SLC7A1: variants seen among roughly 807,000 people sequenced by gnomAD.
SLC7A1 encodes solute carrier family 7 member 1, also known as high affinity cationic amino acid transporter 1.
In SLC7A1, 10 loss-of-function variants were observed where a neutral mutation model predicts 53.9. That is an observed-to-expected ratio of 0.19 (90% CI 0.11 to 0.31). SLC7A1 has a LOEUF of 0.31. Ranked by LOEUF, SLC7A1 falls within the 10% of genes least tolerant of loss-of-function variation. The pLI is 1.00. For synonymous variants in SLC7A1, 342 were observed against 338.7 expected, an observed-to-expected ratio of 1.01 and a Z score of -0.11; for missense variants, 525 against 827.2, an observed-to-expected ratio of 0.63 and a Z score of 4.48.
chr13:29,594,574 C>G (rs998706746), intron 1 of SLC7A1, among the ~76,000 whole-genome samples: 3 of 152,210 alleles, frequency 2.0e-5, no homozygotes, highest in Non-Finnish European at 4.4e-5. Context: ...CTGACCTGCC[C>G]ATGCCTGGGA....
intron 3 of SLC7A1, among the ~76,000 whole-genome samples, chr13:29,534,213 AACTGCCC>A (rs1869303876): frequency 6.6e-6 from 1 of 152,170 alleles, no homozygotes; most frequent in East Asian, 1.9e-4. Flanking sequence ...TTGCTGGAAA[AACTGCCC>A]TTCCCAGCAG....
chr13:29,539,201 G>A (rs549554120), intron 2 of SLC7A1, among the ~76,000 whole-genome samples: 2 of 152,232 alleles, frequency 1.3e-5, no homozygotes, highest in Admixed American at 1.3e-4. Flanking sequence ...ACGTGCTGTT[G>A]TCCTAGGCAG....
intron 1 of SLC7A1, among the ~76,000 whole-genome samples, chr13:29,584,853 T>C (rs1324442701): frequency 1.3e-5 from 2 of 152,252 alleles, no homozygotes; most frequent in Non-Finnish European, 1.5e-5. Context: ...CCATAAGATT[T>C]AGTCAAAAAA....
At chr13:29,534,280 G>A (rs1177284939) in intron 3 of SLC7A1, among the ~76,000 whole-genome samples, 1 of 152,210 alleles carries the variant, frequency 6.6e-6, no homozygotes, top group Non-Finnish European at 1.5e-5. Context: ...TTTCACACAA[G>A]CAAACGGCAC....
chr13:29,552,890 C>CTTCAAT (rs1870264147), intron 2 of SLC7A1, among the ~76,000 whole-genome samples: 1 of 151,938 alleles, frequency 6.6e-6, no homozygotes, highest in African/African-American at 2.4e-5. Context: ...GGGTTAGGGT[C>CTTCAAT]TCCGACCAAG....
intron 1 of SLC7A1, among the ~76,000 whole-genome samples, chr13:29,557,658 G>T (rs1028027360): frequency 2.1e-5 from 3 of 145,662 alleles, no homozygotes; most frequent in Non-Finnish European, 3.0e-5. Flanking sequence ...TGAGTGAGGG[G>T]GGAGTGAATG....
chr13:29,581,663 C>A (rs57340570), intron 1 of SLC7A1, among the ~76,000 whole-genome samples: 17,386 of 152,244 alleles, frequency 0.11, 1,199 homozygotes, highest in African/African-American at 0.19. Context: ...TGGAACTTCA[C>A]CCCAGTGCTA....
chr13:29,560,518 G>T (rs898415533), intron 1 of SLC7A1, among the ~76,000 whole-genome samples: 3 of 150,756 alleles, frequency 2.0e-5, no homozygotes, highest in African/African-American at 4.9e-5. Context: ...TACTATGTAT[G>T]TATGTATTAC....
intron 1 of SLC7A1, among the ~76,000 whole-genome samples, chr13:29,570,326 T>C (rs970548791): frequency 6.6e-6 from 1 of 152,226 alleles, no homozygotes; most frequent in African/African-American, 2.4e-5. Context: ...ATTCTTTCCA[T>C]GTCCCATTTC....
chr13:29,584,321 A>G (rs280919), intron 1 of SLC7A1, among the ~76,000 whole-genome samples: 28,352 of 151,934 alleles, frequency 0.19, 3,538 homozygotes, highest in African/African-American at 0.34. Context: ...AATTTTTTGT[A>G]TTTTTAGTAG....
chr13:29,538,958 C>A (rs994833471), intron 2 of SLC7A1, among the ~76,000 whole-genome samples: 2 of 152,170 alleles, frequency 1.3e-5, no homozygotes, highest in Non-Finnish European at 2.9e-5. Context: ...TGCCTGCCTG[C>A]TCCCAACCTC....
chr13:29,514,915 G>T (rs915536603), intron 12 of SLC7A1, among the ~76,000 whole-genome samples: 3 of 152,212 alleles, frequency 2.0e-5, no homozygotes, highest in Admixed American at 2.0e-4. Flanking sequence ...CGGAGGCCAC[G>T]AGAGTATCGA....
intron 1 of SLC7A1, among the ~76,000 whole-genome samples, chr13:29,584,752 T>C (rs993310520): frequency 1.3e-5 from 2 of 152,234 alleles, no homozygotes; most frequent in Non-Finnish European, 2.9e-5. Flanking sequence ...AAGCATTTCT[T>C]AAGCAAAAGT....
chr13:29,588,222 T>G (rs958319567), intron 1 of SLC7A1, among the ~76,000 whole-genome samples: 2 of 152,096 alleles, frequency 1.3e-5, no homozygotes, highest in African/African-American at 2.4e-5. Context: ...GATCGCAGGG[T>G]TGTATTAATG....
intron 10 of SLC7A1, 128 bp from the exon 11 acceptor site, chr13:29,517,438 A>G: frequency 2.4e-6 from 3 of 1,229,660 alleles, no homozygotes; most frequent in East Asian, 2.3e-5. Flanking sequence ...TACAGTTAAC[A>G]CAGAGTAACT....
chr13:29,556,255 A>AT (rs879930837), intron 1 of SLC7A1, among the ~76,000 whole-genome samples: 42 of 150,450 alleles, frequency 2.8e-4, no homozygotes, highest in Middle Eastern at 3.4e-3. Flanking sequence ...CTTCTCACTG[A>AT]TTTTTTTTTT....
chr13:29,536,184 C>T lies in SLC7A1; in HGVS notation c.5G>A (p.Gly2Glu). The T allele has an allele frequency of 6.2e-7, 1 of 1,612,026 alleles. No homozygotes were observed. Among genetic ancestry groups the T allele is most frequent in the Admixed American group, 1.7e-5 (1 of 59,986 alleles). ...CCCAATGTTGAGCAGGACTTTGCAC[C>T]CCATGTTGCTGTTCAGAGCTGTTGA... is the stretch of plus-strand genomic sequence containing the variant. M[G>E]CKVLLNIGQQ... Residue 2 changes from glycine to glutamate, a missense_variant, in exon 3 of 13, where the codon GGG (glycine) becomes GAG (glutamate). Physicochemically the swap from Gly to Glu is moderately conservative, Grantham distance 98 (BLOSUM62 -2). Coordinates refer to ENST00000380752, the MANE Select transcript of SLC7A1 (RefSeq NM_003045.5).
chr13:29,536,126 A>G lies in SLC7A1; in HGVS notation c.63T>C (p.Cys21=). ...QQMLRRKVVD[C]SREETRLSRC... ...GAGACAGCCGCGTCTCCTCCCGGCT[A>G]CAGTCCACCACCTTCCGCCGCAGCA... is the stretch of plus-strand genomic sequence containing the variant. The change falls in exon 3 of 13, where the codon TGT becomes TGC. Residue 21 remains cysteine, a synonymous_variant. Transcript: ENST00000380752. 1 of 1,614,046 alleles carries G rather than the reference A, an allele frequency of 6.2e-7. No individual in the cohort carries two copies. Among genetic ancestry groups the G allele is most frequent in the Non-Finnish European group, 8.5e-7 (1 of 1,180,044 alleles).
chr13:29,536,510 T>C (rs1251257880), intron 2 of SLC7A1, among the ~76,000 whole-genome samples: 1 of 152,202 alleles, frequency 6.6e-6, no homozygotes, highest in African/African-American at 2.4e-5. Context: ...AATTATGCAG[T>C]AGAGGAAACA....
Sources: gnomAD v4.1 joint callset for allele counts (sites outside exome capture counted in the v4.1 genomes callset) on GRCh38, gnomAD v4.1.1 for gene constraint, MANE v1.5 for transcripts, NCBI Gene and HGNC (gene_info 2026-07-23, HGNC 2026-07-21) for gene names.